Variants in BRCA2 observed in about 807,000 individuals in gnomAD.
BRCA2 encodes breast cancer type 2 susceptibility protein.
Under a neutral mutation model 276.7 loss-of-function variants are expected in BRCA2, and 203 were observed. The ratio of observed to expected loss-of-function variants is 0.73; its 90% CI spans 0.65 to 0.82. The LOEUF (loss-of-function observed/expected upper bound fraction) is 0.82, where lower values mean the gene tolerates loss of function less well. BRCA2 is among the 40% of genes least tolerant of loss of function. The probability of loss-of-function intolerance (pLI) is 0.00; values close to 1 mark genes in which losing one functional copy is unlikely to be tolerated. For synonymous variants in BRCA2, 1,289 were observed against 1,338.4 expected, an observed-to-expected ratio of 0.96 and a Z score of 0.81; for missense variants, 3,920 against 3,915.0, an observed-to-expected ratio of 1.00 and a Z score of -0.03.
chr13:32,361,531 GA>G (rs1248890177), intron 16 of BRCA2, among the ~76,000 whole-genome samples: 3 of 152,012 alleles, frequency 2.0e-5, no homozygotes, highest in Admixed American at 6.6e-5. Flanking sequence ...TTTTAAGGTA[GA>G]AAAAAACCGT....
rs80359159 is a variant in BRCA2 at position 32,379,872 on chromosome 13, C to T, written c.9076C>T (p.Gln3026Ter). The T allele has an allele frequency of 1.9e-6, 3 of 1,613,492 alleles. No individual in the cohort carries two copies. Among genetic ancestry groups the T allele is most frequent in the East Asian group, 4.5e-5 (2 of 44,842 alleles). The part of the protein sequence containing the change: ...SKSKSERANI[Q>*]LAATKKTQYQ... ...AAGTAAATCTGAAAGAGCTAACATA[C>T]AGTTAGCAGCGACAAAAAAAACTCA... The change falls in exon 23 of 27, where the codon CAG becomes TAG. Residue 3026 changes from glutamine to a stop codon, truncating the protein, a stop_gained. Coordinates refer to ENST00000380152, the MANE Select transcript of BRCA2 (RefSeq NM_000059.4). LOFTEE classifies it high-confidence loss of function.
chr13:32,368,165 A>G (rs910842307), intron 18 of BRCA2, among the ~76,000 whole-genome samples: 22 of 151,478 alleles, frequency 1.5e-4, no homozygotes, highest in African/African-American at 3.9e-4. Context: ...GATTATAGGC[A>G]CCCACCACCA....
Position 32,332,654 on chromosome 13 carries a change from CT to C in BRCA2, c.1177del (p.Cys393ValfsTer6). 6.2e-7 allele frequency: 1 copy of C among 1,614,038 alleles called. No individual in the cohort carries two copies. Among genetic ancestry groups the C allele is most frequent in the Non-Finnish European group, 8.5e-7 (1 of 1,179,978 alleles). Reference protein sequence around the residue: ...ISKEVVPSLACEWSQLTLSGL... With the variant: ...ISKEVVPSLAXEWSQLTLSGL... ...CCAAGGAAGTTGTACCGTCTTTGGC[CT>C]GTGAATGGTCTCAACTAACCCTTTC... On this transcript the variant is annotated frameshift_variant, in exon 10 of 27. Transcript: ENST00000380152. LOFTEE classifies it high-confidence loss of function.
intron 13 of BRCA2, among the ~76,000 whole-genome samples, chr13:32,352,293 A>G (rs2072658687): frequency 1.3e-5 from 2 of 151,990 alleles, no homozygotes; most frequent in East Asian, 1.9e-4. Context: ...CCCGTGTATT[A>G]CCTTAATTTA....
intron 18 of BRCA2, 90 bp from the exon 19 acceptor site, chr13:32,370,312 G>C (rs989543670): frequency 7.7e-7 from 1 of 1,301,696 alleles, no homozygotes; most frequent in Non-Finnish European, 1.1e-6. Flanking sequence ...TTTTAAGGCA[G>C]TTCTAGAAGA....
intron 21 of BRCA2, among the ~76,000 whole-genome samples, chr13:32,378,121 G>A (rs1229711981): frequency 6.6e-6 from 1 of 152,176 alleles, no homozygotes; most frequent in Non-Finnish European, 1.5e-5. Context: ...TGAAGCTTGT[G>A]CATTCTATGA....
rs2072681950 is a variant in BRCA2, at chr13:32,355,143, A to G, written c.7290A>G (p.Glu2430=). The change falls in exon 14 of 27, where the codon GAA becomes GAG. Residue 2430 remains glutamate (E), a synonymous_variant. Transcript: ENST00000380152. The stretch of plus-strand genomic sequence containing the variant: ...GTGTTAGGAATATTAACTTGGAGGA[A>G]AACAGACAAAAGCAAAACATTGATG... ...EQCVRNINLE[E]NRQKQNIDGH... is the part of the protein sequence containing the mutation. 1 of 1,613,900 alleles carries G rather than the reference A, an allele frequency of 6.2e-7. No individual in the cohort carries two copies. The highest frequency in any genetic ancestry group is 8.5e-7 in the Non-Finnish European group (1 of 1,179,818).
At chr13:32,356,356 C>T (rs2137561315) in intron 14 of BRCA2, 72 bp from the exon 15 acceptor site, 1 of 1,470,008 alleles carries the variant, frequency 6.8e-7, no homozygotes, top group Non-Finnish European at 9.5e-7. Flanking sequence ...AGGCGTGAGC[C>T]ACTGTGCCTG....
At chr13:32,362,415 TTAA>T in intron 16 of BRCA2, 105 bp from the exon 17 acceptor site, 1 of 1,093,094 alleles carries the variant, frequency 9.1e-7, no homozygotes, top group Non-Finnish European at 1.4e-6. Context: ...TCATAAAAAC[TTAA>T]TGATCTTGAA....
In BRCA2 at chr13:32,333,329, A is replaced by G. The variant is rs876658518; in HGVS notation, c.1851A>G (p.Ser617=). Residue 617 remains serine, a synonymous_variant, in exon 10 of 27, where the codon TCA becomes TCG. Coordinates refer to ENST00000380152, the MANE Select transcript of BRCA2 (RefSeq NM_000059.4). ...KDQKSELINC[S]AQFEANAFEA... is the part of the protein sequence containing the mutation. ...AAAAATCAGAACTAATTAACTGTTCAGCCCAGTTTGAAGCAAATGCTTTTG... is the reference window on the plus strand; with the variant it reads ...AAAAATCAGAACTAATTAACTGTTCGGCCCAGTTTGAAGCAAATGCTTTTG... 1.9e-6 allele frequency: 3 copies of G among 1,609,240 alleles called. No individual in the cohort carries two copies. Among genetic ancestry groups the G allele is most frequent in the Non-Finnish European group, 2.5e-6 (3 of 1,178,994 alleles).
intron 24 of BRCA2, among the ~76,000 whole-genome samples, chr13:32,387,159 AGGATTACCC>A (rs1566256281): frequency 6.6e-6 from 1 of 152,200 alleles, no homozygotes; most frequent in Non-Finnish European, 1.5e-5. Flanking sequence ...GTGTGGGTGG[AGGATTACCC>A]AGGTGCCGAG....
At chr13:32,394,652 T>C (rs2137651512) in intron 24 of BRCA2, 37 bp from the exon 25 acceptor site, 1 of 1,598,780 alleles carries the variant, frequency 6.3e-7, no homozygotes, top group East Asian at 2.2e-5. Context: ...ATCTAACACA[T>C]CTATAATAAC....
intron 7 of BRCA2, among the ~76,000 whole-genome samples, chr13:32,327,221 G>A (rs1306380059): frequency 6.6e-6 from 1 of 152,234 alleles, no homozygotes; most frequent in African/African-American, 2.4e-5. Context: ...GCTGAGAAGG[G>A]TGGATCACGT....
At chr13:32,358,661 G>A (rs953551019) in intron 16 of BRCA2, among the ~76,000 whole-genome samples, 10 of 151,454 alleles carry the variant, frequency 6.6e-5, no homozygotes, top group Non-Finnish European at 1.3e-4. Context: ...AGCCAGGCGC[G>A]GTGGCTCACG....
chr13:32,350,702 G>A (rs561456088), intron 13 of BRCA2, among the ~76,000 whole-genome samples: 49 of 151,916 alleles, frequency 3.2e-4, no homozygotes, highest in Middle Eastern at 3.4e-3. Context: ...TCAGTGAGCC[G>A]AGATTGCACC....
At chr13:32,315,350 T>C (rs956505048), upstream of BRCA2, 2 of 152,256 alleles carry the variant, frequency 1.3e-5, no homozygotes, top group East Asian at 1.9e-4. Context: ...ATACTGACGG[T>C]TGGGATGCCT....
At chr13:32,357,068 G>A (rs538024577) in intron 15 of BRCA2, among the ~76,000 whole-genome samples, 10 of 152,278 alleles carry the variant, frequency 6.6e-5, no homozygotes, top group Non-Finnish European at 1.3e-4. Context: ...CATTTTCTAG[G>A]TGTAAGATGC....
rs730881589 is a variant in BRCA2 at position 32,336,956 on chromosome 13, T to G, written c.2601T>G (p.Thr867=). The G allele has an allele frequency of 5.0e-6, 8 of 1,584,236 alleles. No individual in the cohort carries two copies. The highest frequency in any genetic ancestry group is 2.4e-5 in the South Asian group (2 of 84,474). The change falls in exon 11 of 27, where the codon ACT becomes ACG. Residue 867 remains threonine, a synonymous_variant. Transcript: ENST00000380152. ...LRVIQKNQEE[T]TSISKITVNP... ...TAATCCAAAAAAATCAAGAAGAAACTACTTCAATTTCAAAAATAACTGTCA... is the reference window on the plus strand; with the variant it reads ...TAATCCAAAAAAATCAAGAAGAAACGACTTCAATTTCAAAAATAACTGTCA...
rs80359541 is a variant in BRCA2, at chr13:32,340,182, TC to T, written c.5828del (p.Ser1943LeufsTer20). On this transcript the variant is annotated frameshift_variant, in exon 11 of 27. Coordinates refer to ENST00000380152, the MANE Select transcript of BRCA2 (RefSeq NM_000059.4). LOFTEE classifies it high-confidence loss of function. ...AAATATGTCTGGATTGGAGAAAGTTTCTAAAATATCACCTTGTGATGTTAGT... is the reference window on the plus strand; with the variant it reads ...AAATATGTCTGGATTGGAGAAAGTTTTAAAATATCACCTTGTGATGTTAGT... ...NQNMSGLEKV[S>X]KISPCDVSLE... 1 of 1,613,348 alleles carries T rather than the reference TC, an allele frequency of 6.2e-7. No homozygotes were observed. The highest frequency in any genetic ancestry group is 8.5e-7 in the Non-Finnish European group (1 of 1,179,470).
Sources: allele counts gnomAD v4.1 joint callset (sites outside exome capture counted in the v4.1 genomes callset), GRCh38; gene constraint gnomAD v4.1.1; transcripts MANE v1.5; gene names NCBI Gene and HGNC (gene_info 2026-07-23, HGNC 2026-07-21).